The following COL16A1 variants were observed in gnomAD, a reference collection of about 807,000 sequenced individuals.
COL16A1 encodes the protein collagen type XVI alpha 1 chain.
Under a neutral mutation model 266.3 loss-of-function variants are expected in COL16A1, and 189 were observed. The ratio of observed to expected loss-of-function variants is 0.71; its 90% confidence interval spans 0.63 to 0.80. The LOEUF is 0.80. COL16A1 is among the 30% of genes least tolerant of loss of function. The probability of loss-of-function intolerance (pLI) is 0.00; values close to 1 mark genes in which losing one functional copy is unlikely to be tolerated. For missense variants in COL16A1, 1,928 were observed against 2,122.4 expected, an observed-to-expected ratio of 0.91 and a Z score of 1.80; for synonymous variants, 740 against 782.3, an observed-to-expected ratio of 0.95 and a Z score of 0.90.
At chr1:31,675,196 C>A in intron 43 of COL16A1, 62 bp downstream of exon 43, 2 of 1,613,566 alleles carry the variant, frequency 1.2e-6, no homozygotes, top group Non-Finnish European at 1.7e-6. Flanking sequence ...AGCTTCATAG[C>A]CTGAGCAGCC....
At chr1:31,701,953 A>T (rs1313800563) in intron 2 of COL16A1, among the ~76,000 whole-genome samples, 168 bp downstream of exon 2, 1 of 152,148 alleles carries the variant, frequency 6.6e-6, no homozygotes, top group East Asian at 1.9e-4. Flanking sequence ...CTCACTGCAC[A>T]CAGGCTCAAG....
In COL16A1 at chr1:31,694,134, T is replaced by C. The variant is rs375738610; in HGVS notation, c.1008+10A>G. 1.2e-4 allele frequency: 193 copies of C among 1,600,612 alleles called. 3 individuals are homozygous for C. In the South Asian group the frequency reaches 1.3e-3, roughly 11 times the overall value. ...AGGACGGGAATGTCCCGTTCTCCATTAGGACTCACCTTGGGGCCAGAGGGA... is the reference window on the plus strand; with the variant it reads ...AGGACGGGAATGTCCCGTTCTCCATCAGGACTCACCTTGGGGCCAGAGGGA... On this transcript the variant is annotated intron_variant, in intron 12 of 70. Coordinates refer to ENST00000373672, the MANE Select transcript of COL16A1 (RefSeq NM_001856.4).
In COL16A1 at chr1:31,652,384, A is replaced by T. The variant is rs967207466; in HGVS notation, c.*267T>A. The T allele has an allele frequency of 1.4e-5, 4 of 275,942 alleles. No homozygotes were observed. In the Admixed American group the frequency reaches 2.0e-4, roughly 14 times the overall value. The allele number at this position is 275,942 out of a possible 1,614,324, so 17.1% of individuals were successfully genotyped here. A position where few individuals can be genotyped will look rare whatever the true frequency, so the allele number is the denominator to read the frequency against. On this transcript the variant is annotated 3_prime_UTR_variant, in exon 71 of 71. Coordinates refer to ENST00000373672, the MANE Select transcript of COL16A1 (RefSeq NM_001856.4). This position sits in a 1 kb window ranked among gnomAD's most constrained non-coding sequence, Gnocchi z 4.8. ...CCCTTGAATAGCTAGGATTACAGGT[A>T]TATGCCCCTGTACCCAAAATGCCCT...
chr1:31,689,202 T>C, intron 23 of COL16A1, 117 bp from the exon 24 acceptor site: 1 of 1,516,982 alleles, frequency 6.6e-7, no homozygotes. Context: ...CACCTAGGGG[T>C]CCCATGGGGT....
At chr1:31,696,911 G>T (rs1266803224) in intron 8 of COL16A1, 52 bp downstream of exon 8, 4 of 1,608,686 alleles carry the variant, frequency 2.5e-6, no homozygotes, top group Non-Finnish European at 3.4e-6. Context: ...CAGGGGAGGG[G>T]TATCTCACTT....
At position 31,690,576 on chromosome 1, in the gene COL16A1, G is replaced by A; in HGVS notation, c.1438-3C>T. On this transcript the variant is annotated splice_region_variant and splice_polypyrimidine_tract_variant and intron_variant, in intron 20 of 70. Coordinates refer to ENST00000373672, the MANE Select transcript of COL16A1 (RefSeq NM_001856.4). ...TTTCCTGGGATCCCCGAGCTGCCCT[G>A]TGGTCAGAAGAAAGGATAAGCGGGG... is the stretch of plus-strand genomic sequence containing the variant. 1 of 1,613,568 alleles carries A rather than the reference G, an allele frequency of 6.2e-7. No homozygotes were observed. Among genetic ancestry groups the A allele is most frequent in the Non-Finnish European group, 8.5e-7 (1 of 1,179,812 alleles).
chr1:31,662,210 G>A (rs1225871323), intron 58 of COL16A1, 124 bp downstream of exon 58: 14 of 1,522,664 alleles, frequency 9.2e-6, no homozygotes, highest in Non-Finnish European at 1.2e-5. Flanking sequence ...ACCGAGGGAG[G>A]GCATGGGTGC....
At chr1:31,679,749 T>C (rs1189807547) in intron 41 of COL16A1, 55 bp downstream of exon 41, 1 of 1,603,488 alleles carries the variant, frequency 6.2e-7, no homozygotes, top group African/African-American at 1.3e-5. Context: ...AGAGCAGCTG[T>C]TTAGGGTGGA....
At position 31,668,369 on chromosome 1, in the gene COL16A1, GC is replaced by G; in HGVS notation, c.3250-152del. On this transcript the variant is annotated intron_variant, in intron 50 of 70. Coordinates refer to ENST00000373672, the MANE Select transcript of COL16A1 (RefSeq NM_001856.4). This position sits in a 1 kb window ranked among gnomAD's most constrained non-coding sequence, Gnocchi z 5.8. ...ATTGCACACTGGGCCATCTCCCCAA[GC>G]CCCAGGTCCCCTCGGTCGTGACCAC... is the stretch of plus-strand genomic sequence containing the variant. 1 of 834,666 alleles carries G rather than the reference GC, an allele frequency of 1.2e-6. No homozygotes were observed. The highest frequency in any genetic ancestry group is 1.9e-6 in the Non-Finnish European group (1 of 515,414). 51.7% of individuals were successfully genotyped at this position (834,666 alleles called of 1,614,324 possible).
chr1:31,700,084 T>A lies in COL16A1; in HGVS notation c.105A>T (p.Gly35=), dbSNP rs1056126514. 6.2e-7 allele frequency: 1 copy of A among 1,613,950 alleles called. No individual in the cohort carries two copies. The highest frequency in any genetic ancestry group is 8.5e-7 in the Non-Finnish European group (1 of 1,180,012). The change falls in exon 3 of 71, where the codon GGA becomes GGT. Residue 35 remains glycine, a synonymous_variant. Coordinates refer to ENST00000373672, the MANE Select transcript of COL16A1 (RefSeq NM_001856.4). Reference sequence around the variant, plus strand: ...GGCTACTACTGTGTTCCAATTTGAGTCCTTCCTGCTGTGAAGGTGGGCATT... The same window carrying A: ...GGCTACTACTGTGTTCCAATTTGAGACCTTCCTGCTGTGAAGGTGGGCATT... ...GAQCPPSQQE[G]LKLEHSSSLP...
chr1:31,697,401 C>T lies in COL16A1; in HGVS notation c.658-101G>A. The T allele has an allele frequency of 8.2e-7, 1 of 1,219,144 alleles. No homozygotes were observed. Among genetic ancestry groups the T allele is most frequent in the Non-Finnish European group, 1.1e-6 (1 of 873,214 alleles). The allele number at this position is 1,219,144 out of a possible 1,614,324, so 75.5% of individuals were successfully genotyped here. A position where few individuals can be genotyped will look rare whatever the true frequency, so the allele number is the denominator to read the frequency against. On this transcript the variant is annotated intron_variant, in intron 6 of 70. Transcript: ENST00000373672. This position sits in a 1 kb window ranked among gnomAD's most constrained non-coding sequence, Gnocchi z 4.2. ...AGATGTCTCTGCCCCAGGATGTGAC[C>T]TCAGGGTGTTTCCAGTCTGGCCTGG...
chr1:31,667,555 C>T lies in COL16A1; in HGVS notation c.3357+20G>A. 1 of 1,580,300 alleles carries T rather than the reference C, an allele frequency of 6.3e-7. No individual in the cohort carries two copies. Among genetic ancestry groups the T allele is most frequent in the Non-Finnish European group, 8.6e-7 (1 of 1,163,046 alleles). On this transcript the variant is annotated intron_variant, in intron 52 of 70. Transcript: ENST00000373672. ...CTCCACGTGCAGCCCTGCATCCAGC[C>T]CCACGCCGCTGGGACTCACCGGCTC...
Position 31,699,896 on chromosome 1 carries a change from C to A in COL16A1, c.183G>T (p.Lys61Asn), listed in dbSNP as rs764731500. 5 of 1,613,956 alleles carry A rather than the reference C, an allele frequency of 3.1e-6. No homozygotes were observed. Among genetic ancestry groups the A allele is most frequent in the Non-Finnish European group, 4.2e-6 (5 of 1,179,816 alleles). The change falls in exon 4 of 71, where the codon AAG becomes AAT. Residue 61 changes from lysine to asparagine, a missense_variant. Transcript: ENST00000373672. Reference sequence around the variant, plus strand: ...TGCGGATCTTCTTGATGGCAGACGTCTTCATGAGGCTGAGTCGGTGGATGA... The same window carrying A: ...TGCGGATCTTCTTGATGGCAGACGTATTCATGAGGCTGAGTCGGTGGATGA... ...FNLIHRLSLM[K>N]TSAIKKIRNP... is the part of the protein sequence containing the mutation.
At chr1:31,682,003 G>A (rs1643679499) in intron 37 of COL16A1, among the ~76,000 whole-genome samples, 1 of 105,980 alleles carries the variant, frequency 9.4e-6, no homozygotes, top group South Asian at 3.3e-4. Flanking sequence ...AGACAGAAGA[G>A]GATACAGTTC....
chr1:31,669,540 C>T (rs61779594), intron 49 of COL16A1, among the ~76,000 whole-genome samples: 68 of 152,068 alleles, frequency 4.5e-4, no homozygotes, highest in African/African-American at 1.4e-3. Flanking sequence ...CAAGAGATGA[C>T]GCCCAAACCT....
At chr1:31,683,670 G>A (rs762425871) in intron 34 of COL16A1, 37 bp downstream of exon 34, 9 of 1,613,948 alleles carry the variant, frequency 5.6e-6, no homozygotes, top group Non-Finnish European at 6.8e-6. Context: ...TAATGGAAGT[G>A]CTGAGAGGAC....
chr1:31,678,601 G>A (rs940716673), intron 42 of COL16A1, among the ~76,000 whole-genome samples: 3 of 152,148 alleles, frequency 2.0e-5, no homozygotes, highest in East Asian at 1.9e-4. Flanking sequence ...AAGAATGGAC[G>A]TAAAATAATA....
At position 31,661,459 on chromosome 1, in the gene COL16A1, C is replaced by T. The variant is rs1250569292; in HGVS notation, c.3727-1G>A. ...GATGTCCTGTTTTCCCCTTAAAGCCCTGAAAGAAAAAGCAGGGAGTTCTCA... is the reference window on the plus strand; with the variant it reads ...GATGTCCTGTTTTCCCCTTAAAGCCTTGAAAGAAAAAGCAGGGAGTTCTCA... On this transcript the variant is annotated splice_acceptor_variant, in intron 59 of 70. Transcript: ENST00000373672. LOFTEE classifies it high-confidence loss of function. The T allele has an allele frequency of 6.2e-7, 1 of 1,614,060 alleles. No homozygotes were observed. The highest frequency in any genetic ancestry group is 8.5e-7 in the Non-Finnish European group (1 of 1,180,048).
chr1:31,655,792 C>G (rs1641087055), intron 66 of COL16A1: 1 of 436,200 alleles, frequency 2.3e-6, no homozygotes, highest in South Asian at 3.1e-5. Flanking sequence ...CTGATCGTTC[C>G]TTCCTCAGCC....
Sources: gnomAD v4.1 joint callset for allele counts (sites outside exome capture counted in the v4.1 genomes callset) on GRCh38, gnomAD v4.1.1 for gene constraint, Gnocchi (gnomAD v3.1) non-coding constraint, MANE v1.5 for transcripts, NCBI Gene and HGNC (gene_info 2026-07-23, HGNC 2026-07-21) for gene names.